PDC: variants seen among roughly 807,000 people sequenced by gnomAD.
PDC encodes the protein 33 kDa phototransducing protein.
In PDC, 19 loss-of-function variants were observed where a neutral mutation model predicts 22.2. The ratio of observed to expected loss-of-function variants is 0.86; its 90% confidence interval spans 0.60 to 1.26. PDC has a LOEUF of 1.26. Among genes scored for constraint, PDC ranks in the 50% most tolerant of loss-of-function variants. PDC has a pLI of 0.00. For missense variants in PDC, 274 were observed against 286.8 expected, an observed-to-expected ratio of 0.96 and a Z score of 0.32; for synonymous variants, 97 against 96.2, an observed-to-expected ratio of 1.01 and a Z score of -0.05.
In PDC at chr1:186,460,836, G is replaced by A. The variant is rs187693867; in HGVS notation, c.-25+223C>T. On this transcript the variant is annotated intron_variant, in intron 1 of 3. Transcript: ENST00000391997. ...TCTAGAATATCAGGCTCAAAATTGC[G>A]TGTTTACTCTGAATCTGTATTAGTG... 3.1e-4 allele frequency among the ~76,000 whole-genome samples: 47 copies of A among 152,254 alleles called. No homozygotes were observed. In the East Asian group the frequency reaches 3.1e-3, roughly 10 times the overall value.
In PDC at chr1:186,443,776, C is replaced by A; in HGVS notation, c.*203G>T. ...TGTCTACTAATAATGTTGCTGAAGA[C>A]AGCTCTGTTTTGTAGTCAAGCATTG... is the stretch of plus-strand genomic sequence containing the variant. On this transcript the variant is annotated 3_prime_UTR_variant, in exon 4 of 4. Coordinates refer to ENST00000391997, the MANE Select transcript of PDC (RefSeq NM_002597.5). 1 of 520,262 alleles carries A rather than the reference C, an allele frequency of 1.9e-6. No homozygotes were observed. The highest frequency in any genetic ancestry group is 3.4e-6 in the Non-Finnish European group (1 of 294,516). 32.2% of individuals were successfully genotyped at this position (520,262 alleles called of 1,614,324 possible). A position where few individuals can be genotyped will look rare whatever the true frequency, so the allele number is the denominator to read the frequency against.
At position 186,447,905 on chromosome 1, in the gene PDC, A is replaced by G. The variant is rs138589258; in HGVS notation, c.62-1328T>C. 6.8e-4 allele frequency among the ~76,000 whole-genome samples: 104 copies of G among 152,262 alleles called. 1 individual carries two copies. The East Asian group carries it at 0.015, about 23-fold the overall frequency. On this transcript the variant is annotated intron_variant, in intron 2 of 3. Coordinates refer to ENST00000391997, the MANE Select transcript of PDC (RefSeq NM_002597.5). Reference sequence around the variant, plus strand: ...TGTTTTCTACAGATGGTGGTGTATTATCTGCATTTTTCCTTACCTTGTTTT... The same window carrying G: ...TGTTTTCTACAGATGGTGGTGTATTGTCTGCATTTTTCCTTACCTTGTTTT...
chr1:186,459,604 T>C (rs1662538394), intron 1 of PDC, among the ~76,000 whole-genome samples: 1 of 151,768 alleles, frequency 6.6e-6, no homozygotes, highest in Non-Finnish European at 1.5e-5. Flanking sequence ...TATATTTTGA[T>C]AATGACTTAT....
chr1:186,455,669 T>C (rs192785636), intron 1 of PDC, among the ~76,000 whole-genome samples: 3 of 151,428 alleles, frequency 2.0e-5, no homozygotes, highest in Non-Finnish European at 2.9e-5. Flanking sequence ...CCCACAAAAA[T>C]ATAGGCCAGT....
chr1:186,449,320 A>G (rs369546000), intron 2 of PDC, 79 bp downstream of exon 2: 1 of 762,328 alleles, frequency 1.3e-6, no homozygotes. Context: ...GTACATACTG[A>G]ATAGTGTCAA....
At chr1:186,458,830 A>T (rs1243412800) in intron 1 of PDC, among the ~76,000 whole-genome samples, 1 of 152,208 alleles carries the variant, frequency 6.6e-6, no homozygotes, top group Non-Finnish European at 1.5e-5. Flanking sequence ...CCCTCTGATC[A>T]TCACCACAAA....
chr1:186,458,175 A>C (rs949336490), intron 1 of PDC, among the ~76,000 whole-genome samples: 1 of 149,988 alleles, frequency 6.7e-6, no homozygotes, highest in African/African-American at 2.5e-5. Context: ...TCTTGTTCCT[A>C]GTGAAAAGAC....
chr1:186,456,425 T>C (rs1662473711), intron 1 of PDC, among the ~76,000 whole-genome samples: 1 of 152,198 alleles, frequency 6.6e-6, no homozygotes, highest in Admixed American at 6.5e-5. Flanking sequence ...TTTTTCTTTT[T>C]GCAAATTATG....
At chr1:186,458,935 G>C (rs1203794989) in intron 1 of PDC, among the ~76,000 whole-genome samples, 1 of 152,190 alleles carries the variant, frequency 6.6e-6, no homozygotes, top group Non-Finnish European at 1.5e-5. Context: ...GCCAAGGCAG[G>C]TGGATCACTT....
At chr1:186,459,954 C>G (rs1662548436) in intron 1 of PDC, among the ~76,000 whole-genome samples, 1 of 150,104 alleles carries the variant, frequency 6.7e-6, no homozygotes, top group Non-Finnish European at 1.5e-5. Flanking sequence ...AAAATTTTCA[C>G]TGAATTTAAG....
At chr1:186,459,274 A>G (rs1289937249) in intron 1 of PDC, among the ~76,000 whole-genome samples, 1 of 152,066 alleles carries the variant, frequency 6.6e-6, no homozygotes. Flanking sequence ...GGACCCAGGA[A>G]TCTTTAACAA....
rs910703349 is a variant in PDC, at chr1:186,454,354, T to G, written c.-24-4871A>C. Among the ~76,000 whole-genome samples, 67 of 152,006 alleles carry G rather than the reference T, an allele frequency of 4.4e-4. 1 individual carries two copies. The highest frequency in any genetic ancestry group is 1.6e-3 in the African/African-American group (66 of 41,392). On this transcript the variant is annotated intron_variant, in intron 1 of 3. Transcript: ENST00000391997. ...CCACTATGCCCAGCTAATTTTTGTA[T>G]TTTTAGTAGACACGGGGTTTCACCA...
Position 186,452,958 on chromosome 1 carries a change from A to G in PDC, c.-24-3475T>C, listed in dbSNP as rs1266348367. ...TTTAAATAGTTATAATACTGTTTCA[A>G]TGAAAACCTGTGTTAAGTAAAAATT... On this transcript the variant is annotated intron_variant, in intron 1 of 3. Transcript: ENST00000391997. 9.2e-5 allele frequency among the ~76,000 whole-genome samples: 14 copies of G among 152,304 alleles called. No homozygotes were observed. In the East Asian group the frequency reaches 2.3e-3, roughly 25 times the overall value.
At chr1:186,455,833 G>A (rs1403935751) in intron 1 of PDC, among the ~76,000 whole-genome samples, 3 of 129,302 alleles carry the variant, frequency 2.3e-5, no homozygotes, top group Non-Finnish European at 4.9e-5. Flanking sequence ...TTAGCCGGGC[G>A]TGGTGGCGGG....
chr1:186,447,226 G>A (rs1662252148), intron 2 of PDC, among the ~76,000 whole-genome samples: 2 of 151,794 alleles, frequency 1.3e-5, no homozygotes, highest in African/African-American at 2.4e-5. Flanking sequence ...TTGGCTCACC[G>A]CAACCTCCAC....
chr1:186,460,937 A>C (rs1367641403), intron 1 of PDC, 122 bp downstream of exon 1: 2 of 154,324 alleles, frequency 1.3e-5, no homozygotes, highest in East Asian at 3.9e-4. Context: ...ATAATTCAAA[A>C]CCTTATGTAC....
At chr1:186,445,705 A>G (rs1045786304) in intron 3 of PDC, among the ~76,000 whole-genome samples, 1 of 152,106 alleles carries the variant, frequency 6.6e-6, no homozygotes, top group African/African-American at 2.4e-5. Context: ...GTGGCAGGAG[A>G]ATCGCTTGAA....
At position 186,443,644 on chromosome 1, in the gene PDC, T is replaced by C. The variant is rs1032798026; in HGVS notation, c.*335A>G. ...GAAAATTATAATGAATAATGTAATT[T>C]GAAAAGTCCAAATAATAACAGTGAT... On this transcript the variant is annotated 3_prime_UTR_variant, in exon 4 of 4. Transcript: ENST00000391997. The C allele has an allele frequency of 6.5e-5, 12 of 184,922 alleles. No individual in the cohort carries two copies. The highest frequency in any genetic ancestry group is 1.2e-4 in the Non-Finnish European group (11 of 89,612). 11.5% of individuals were successfully genotyped at this position (184,922 alleles called of 1,614,324 possible).
intron 1 of PDC, among the ~76,000 whole-genome samples, chr1:186,452,588 CATA>C (rs1451432256): frequency 6.6e-6 from 1 of 152,180 alleles, no homozygotes; most frequent in African/African-American, 2.4e-5. Context: ...AATTTCGGCA[CATA>C]ATAACTGCTC....
Sources: gnomAD v4.1 joint callset for allele counts (sites outside exome capture counted in the v4.1 genomes callset) on GRCh38, gnomAD v4.1.1 for gene constraint, MANE v1.5 for transcripts, NCBI Gene and HGNC (gene_info 2026-07-23, HGNC 2026-07-21) for gene names.